The following TMEM97 variants were observed in gnomAD, a reference collection of about 807,000 sequenced individuals.
The protein encoded by TMEM97 is transmembrane protein 97.
Under a neutral mutation model 18.3 loss-of-function variants are expected in TMEM97, and 13 were observed. The ratio of observed to expected loss-of-function variants is 0.71; its 90% CI spans 0.46 to 1.13. The LOEUF (loss-of-function observed/expected upper bound fraction) is 1.13, where lower values mean the gene tolerates loss of function less well. TMEM97 is among the 50% of genes most tolerant of loss of function. The pLI, the probability that TMEM97 is intolerant of heterozygous loss-of-function variation, is 0.00. For synonymous variants in TMEM97, 76 were observed against 85.3 expected (o/e 0.89, Z 0.60); for missense variants, 205 against 210.5 (o/e 0.97, Z 0.16).
intron 2 of TMEM97, 175 bp downstream of exon 2, chr17:28,325,822 C>A: frequency 2.3e-6 from 2 of 877,236 alleles, no homozygotes; most frequent in Non-Finnish European, 3.4e-6. Flanking sequence ...GTGGCTCAGG[C>A]TCATGTCTGT....
chr17:28,321,579 G>A (rs1308646909), intron 1 of TMEM97, among the ~76,000 whole-genome samples: 1 of 152,044 alleles, frequency 6.6e-6, no homozygotes, highest in Non-Finnish European at 1.5e-5. Flanking sequence ...GACTATAGGT[G>A]CACACCACCA....
rs1311726453 is a variant in TMEM97, at chr17:28,325,715, A to G, written c.271+68A>G. 15 of 1,598,376 alleles carry G rather than the reference A, an allele frequency of 9.4e-6. No homozygotes were observed. In the Admixed American group the frequency reaches 2.0e-4, roughly 22 times the overall value. ...GGTCCCAGAAATCTTTTGGGAAAGTATCTCCAAAGGGAAGGGGATGGTCCC... is the reference window on the plus strand; with the variant it reads ...GGTCCCAGAAATCTTTTGGGAAAGTGTCTCCAAAGGGAAGGGGATGGTCCC... On this transcript the variant is annotated intron_variant, in intron 2 of 2. Coordinates refer to ENST00000226230, the MANE Select transcript of TMEM97 (RefSeq NM_014573.3).
chr17:28,320,764 A>G (rs138902356), intron 1 of TMEM97, among the ~76,000 whole-genome samples: 1 of 152,294 alleles, frequency 6.6e-6, no homozygotes, highest in East Asian at 1.9e-4. Context: ...CCAGGGGAGA[A>G]TCTGGTTCTT....
Position 28,324,994 on chromosome 17 carries a change from A to G in TMEM97, c.127-509A>G, listed in dbSNP as rs115841640. Among the ~76,000 whole-genome samples the G allele has an allele frequency of 6.1e-3, 920 of 151,438 alleles. 10 individuals carry two copies. Among genetic ancestry groups the G allele is most frequent in the African/African-American group, 0.022 (896 of 41,086 alleles). On this transcript the variant is annotated intron_variant, in intron 1 of 2. Coordinates refer to ENST00000226230, the MANE Select transcript of TMEM97 (RefSeq NM_014573.3). ...CCCGCAAAAAGAAGAGGGAAATTCAATTCATTTCTGCATTTGAGGGAATCT... is the reference window on the plus strand; with the variant it reads ...CCCGCAAAAAGAAGAGGGAAATTCAGTTCATTTCTGCATTTGAGGGAATCT...
Position 28,327,753 on chromosome 17 carries a change from TTC to T in TMEM97, c.*962_*963del, listed in dbSNP as rs1906421127. ...GGATTAAACTGGAAAATGTTTTTGT[TTC>T]TGTTGTAAACAGATCATCCTAGGCG... On this transcript the variant is annotated 3_prime_UTR_variant, in exon 3 of 3. Coordinates refer to ENST00000226230, the MANE Select transcript of TMEM97 (RefSeq NM_014573.3). The T allele has an allele frequency of 6.6e-6, 1 of 152,264 alleles. No individual in the cohort carries two copies. The highest frequency in any genetic ancestry group is 6.5e-5 in the Admixed American group (1 of 15,290). 9.4% of individuals were successfully genotyped at this position (152,264 alleles called of 1,614,324 possible).
In TMEM97 at chr17:28,327,965, A is replaced by C. The variant is rs11554038; in HGVS notation, c.*1172A>C. On this transcript the variant is annotated 3_prime_UTR_variant, in exon 3 of 3. Transcript: ENST00000226230. ...CTTTTAATACAGTTCCGTCATTCCC[A>C]TCTTGTTTTCAGAAGAGAAGGTGGC... is the stretch of plus-strand genomic sequence containing the variant. The C allele has an allele frequency of 0.094, 14,399 of 152,504 alleles. 787 individuals carry two copies. Among genetic ancestry groups the C allele is most frequent in the East Asian group, 0.23 (1,171 of 5,172 alleles). 9.4% of individuals were successfully genotyped at this position (152,504 alleles called of 1,614,324 possible). A position where few individuals can be genotyped will look rare whatever the true frequency, so the allele number is the denominator to read the frequency against.
At chr17:28,319,988 G>T (rs1414474894) in intron 1 of TMEM97, among the ~76,000 whole-genome samples, 1 of 152,150 alleles carries the variant, frequency 6.6e-6, no homozygotes. Context: ...CGATTTCCTG[G>T]TTGTTGGAGA....
At chr17:28,320,719 T>C (rs1430095206) in intron 1 of TMEM97, among the ~76,000 whole-genome samples, 1 of 152,230 alleles carries the variant, frequency 6.6e-6, no homozygotes, top group African/African-American at 2.4e-5. Flanking sequence ...CTTACAGTGC[T>C]CAAATCAAGG....
Position 28,319,368 on chromosome 17 carries a change from G to T in TMEM97, c.126+3G>T, listed in dbSNP as rs781852829. ...CGCGCGAGCTCTACCCAGTCGAGGT[G>T]AGGGGCGCCCCTCTTATCCCGGCCC... is the stretch of plus-strand genomic sequence containing the variant. On this transcript the variant is annotated splice_donor_region_variant and intron_variant, in intron 1 of 2. Transcript: ENST00000226230. 2.5e-6 allele frequency: 4 copies of T among 1,586,950 alleles called. No individual in the cohort carries two copies. Among genetic ancestry groups the T allele is most frequent in the South Asian group, 1.1e-5 (1 of 88,778 alleles).
intron 1 of TMEM97, among the ~76,000 whole-genome samples, chr17:28,320,896 T>C (rs1906117104): frequency 6.6e-6 from 1 of 152,234 alleles, no homozygotes; most frequent in Non-Finnish European, 1.5e-5. Context: ...TGCTTCGCTT[T>C]TATAAAGACA....
At chr17:28,319,530 C>G (rs1906059579) in intron 1 of TMEM97, 165 bp downstream of exon 1, 1 of 847,934 alleles carries the variant, frequency 1.2e-6, no homozygotes, top group African/African-American at 1.8e-5. Flanking sequence ...GTGTTTTCCT[C>G]GGGCTTTGTC....
At chr17:28,325,922 C>G (rs1488868587) in intron 2 of TMEM97, 1 of 462,878 alleles carries the variant, frequency 2.2e-6, no homozygotes, top group Non-Finnish European at 3.8e-6. Context: ...GAGCTTGTTC[C>G]CTTTTGTTTT....
At chr17:28,326,149 A>C (rs896581019) in intron 2 of TMEM97, among the ~76,000 whole-genome samples, 4 of 152,202 alleles carry the variant, frequency 2.6e-5, no homozygotes, top group Admixed American at 2.6e-4. Context: ...CTCGTTTCCC[A>C]TTGGCACCCC....
At chr17:28,321,232 C>G (rs1429464038) in intron 1 of TMEM97, among the ~76,000 whole-genome samples, 2 of 152,208 alleles carry the variant, frequency 1.3e-5, no homozygotes, top group Non-Finnish European at 2.9e-5. Flanking sequence ...TGTTTACAAT[C>G]TCTGGTGTTA....
Position 28,327,386 on chromosome 17 carries a change from C to G in TMEM97, c.*593C>G, listed in dbSNP as rs1486620649. On this transcript the variant is annotated 3_prime_UTR_variant, in exon 3 of 3. Transcript: ENST00000226230. ...TACCAAATAACTGTGTGCCTGAGTTCCACCGCAAGATTACTAAAAGCAGGA... is the reference window on the plus strand; with the variant it reads ...TACCAAATAACTGTGTGCCTGAGTTGCACCGCAAGATTACTAAAAGCAGGA... The G allele has an allele frequency of 6.5e-6, 1 of 153,566 alleles. No individual in the cohort carries two copies. Among genetic ancestry groups the G allele is most frequent in the Non-Finnish European group, 1.4e-5 (1 of 69,040 alleles). The allele number at this position is 153,566 out of a possible 1,614,324, so 9.5% of individuals were successfully genotyped here. A position where few individuals can be genotyped will look rare whatever the true frequency, so the allele number is the denominator to read the frequency against.
chr17:28,324,736 C>T (rs543539126), intron 1 of TMEM97: 5 of 152,130 alleles, frequency 3.3e-5, no homozygotes, highest in Admixed American at 6.5e-5. Flanking sequence ...TAATTACAAG[C>T]GTGGGGCCCA....
chr17:28,319,638 C>A, intron 1 of TMEM97: 1 of 349,706 alleles, frequency 2.9e-6, no homozygotes, highest in Non-Finnish European at 5.1e-6. Context: ...GATTCCACCT[C>A]TGGCCGGTTG....
intron 1 of TMEM97, among the ~76,000 whole-genome samples, chr17:28,320,255 G>A (rs1254095908): frequency 6.6e-6 from 1 of 152,180 alleles, no homozygotes; most frequent in Non-Finnish European, 1.5e-5. Context: ...TTCTTTACCT[G>A]AGGGTCATGA....
chr17:28,324,903 T>C (rs1906273742), intron 1 of TMEM97, among the ~76,000 whole-genome samples: 1 of 152,142 alleles, frequency 6.6e-6, no homozygotes, highest in South Asian at 2.1e-4. Flanking sequence ...CATATTGGAA[T>C]TAAAGTGTCC....
Sources: gnomAD v4.1 joint callset for allele counts (sites outside exome capture counted in the v4.1 genomes callset) on GRCh38, gnomAD v4.1.1 for gene constraint, MANE v1.5 for transcripts, NCBI Gene and HGNC (gene_info 2026-07-23, HGNC 2026-07-21) for gene names.